GGA2: variants seen among roughly 807,000 people sequenced by gnomAD.
GGA2 encodes ADP-ribosylation factor-binding protein GGA2.
Under a neutral mutation model 79.5 loss-of-function variants are expected in GGA2, and 48 were observed. The observed-to-expected ratio is 0.60, with a 90% CI of 0.48 to 0.77. The LOEUF (loss-of-function observed/expected upper bound fraction) is 0.77. GGA2 is among the 30% of genes least tolerant of loss of function. The probability of loss-of-function intolerance (pLI) is 0.00; values close to 1 mark genes in which losing one functional copy is unlikely to be tolerated. For synonymous variants in GGA2, 317 were observed against 302.0 expected, an observed-to-expected ratio of 1.05 and a Z score of -0.51; for missense variants, 770 against 774.0, an observed-to-expected ratio of 0.99 and a Z score of 0.06.
chr16:23,480,845 A>G (rs1403513353), intron 9 of GGA2, 75 bp from the exon 10 acceptor site: 3 of 1,429,820 alleles, frequency 2.1e-6, no homozygotes, highest in Admixed American at 3.5e-5. Context: ...GCTTTTCCAT[A>G]AAACAGCCTT....
upstream of GGA2, among the ~76,000 whole-genome samples, chr16:23,511,069 A>G (rs559934641): frequency 6.9e-6 from 1 of 145,400 alleles, no homozygotes; most frequent in Non-Finnish European, 1.5e-5. Flanking sequence ...GGGTTTCACC[A>G]TGTTGCCCGG....
chr16:23,513,766 G>T (rs1470076406), upstream of GGA2, among the ~76,000 whole-genome samples: 2 of 140,056 alleles, frequency 1.4e-5, no homozygotes, highest in Non-Finnish European at 3.0e-5. Context: ...GCCTGGGCAC[G>T]GAATGAGACT....
At position 23,493,443 on chromosome 16, in the gene GGA2, T is replaced by G. The variant is rs140282248; in HGVS notation, c.268A>C (p.Met90Leu). The G allele has an allele frequency of 6.2e-7, 1 of 1,610,292 alleles. No individual in the cohort carries two copies. Among genetic ancestry groups the G allele is most frequent in the South Asian group, 1.1e-5 (1 of 90,992 alleles). The change falls in exon 4 of 17, where the codon ATG (methionine) becomes CTG (leucine). Residue 90 changes from methionine to leucine, a missense_variant. Physicochemically the swap from Met to Leu is conservative, Grantham distance 15 (BLOSUM62 2). Coordinates refer to ENST00000309859, the MANE Select transcript of GGA2 (RefSeq NM_015044.4). Reference protein sequence around the residue: ...LYALTVLEMCMNHCGEKFHSE... With the variant: ...LYALTVLEMCLNHCGEKFHSE... ...TGGAACTTCTCCCCACAGTGGTTCATGCACATCTCCAGCACCTGCACAGAC... is the reference window on the plus strand; with the variant it reads ...TGGAACTTCTCCCCACAGTGGTTCAGGCACATCTCCAGCACCTGCACAGAC...
At position 23,521,417 on chromosome 16, in the gene GGA2, A is replaced by G. The variant is rs185648889; in HGVS notation, c.8+376T>C. Among the ~76,000 whole-genome samples the G allele has an allele frequency of 1.5e-3, 228 of 148,862 alleles. 5 individuals are homozygous for G. The East Asian group carries it at 0.038, about 25-fold the overall frequency. ...TTATTTTATTCATTTTTTTTTTTTT[A>G]GACACAGGATCTTGCTCTGTTGCCC... On this transcript the variant is annotated intron_variant, in intron 1 of 5. Coordinates refer to the GGA2 transcript ENST00000569300.
At chr16:23,493,620 C>A (rs1467588847) in intron 3 of GGA2, 162 bp from the exon 4 acceptor site, 1 of 598,482 alleles carries the variant, frequency 1.7e-6, no homozygotes, top group South Asian at 2.0e-5. Flanking sequence ...GTTTTCAGAT[C>A]AAGAAAAAAA....
chr16:23,503,266 A>AT (rs1334011990), intron 1 of GGA2, among the ~76,000 whole-genome samples: 19 of 152,266 alleles, frequency 1.2e-4, no homozygotes, highest in Admixed American at 9.8e-4. Context: ...TCATGTATTG[A>AT]TTTTTTGTGT....
chr16:23,512,125 G>A (rs907038414), upstream of GGA2, among the ~76,000 whole-genome samples: 11 of 152,196 alleles, frequency 7.2e-5, no homozygotes, highest in East Asian at 3.8e-4. Context: ...TTTGAAAGGC[G>A]GAAGAAGAGA....
intron 10 of GGA2, 136 bp from the exon 11 acceptor site, chr16:23,480,023 T>A: frequency 1.3e-6 from 1 of 758,386 alleles, no homozygotes; most frequent in Non-Finnish European, 2.1e-6. Context: ...AACCTTCCAC[T>A]CAGCTGAGTG....
chr16:23,478,646 G>A (rs1046325379), intron 12 of GGA2, 145 bp from the exon 13 acceptor site: 2 of 834,158 alleles, frequency 2.4e-6, no homozygotes, highest in Non-Finnish European at 4.0e-6. Context: ...GGAAAGAAAG[G>A]GCAAGATCAC....
At chr16:23,510,953 G>A, upstream of GGA2, among the ~76,000 whole-genome samples, 1 of 130,242 alleles carries the variant, frequency 7.7e-6, no homozygotes. Flanking sequence ...GTGTGTTAGA[G>A]ACTGGGTTTC....
chr16:23,465,069 C>T lies in GGA2; in HGVS notation c.*2521G>A. On this transcript the variant is annotated 3_prime_UTR_variant, in exon 17 of 17. Coordinates refer to ENST00000309859, the MANE Select transcript of GGA2 (RefSeq NM_015044.4). ...CTGGCCATGAGTGCCAGATCTCCAG[C>T]ACACACATCATGAATTTGCTTCTCC... is the stretch of plus-strand genomic sequence containing the variant. The T allele has an allele frequency of 5.6e-6, 3 of 532,392 alleles. 1 individual carries two copies. The South Asian group carries it at 6.9e-5, about 12-fold the overall frequency. The allele number at this position is 532,392 out of a possible 1,614,324, so 33.0% of individuals were successfully genotyped here.
At chr16:23,486,863 G>T in intron 6 of GGA2, 73 bp from the exon 7 acceptor site, 2 of 879,746 alleles carry the variant, frequency 2.3e-6, no homozygotes, top group Non-Finnish European at 2.0e-6. Flanking sequence ...AGCAGCAACA[G>T]AAGAGTTAAC....
At chr16:23,508,641 A>G (rs1276495915) in intron 1 of GGA2, among the ~76,000 whole-genome samples, 4 of 152,034 alleles carry the variant, frequency 2.6e-5, no homozygotes, top group African/African-American at 9.7e-5. Flanking sequence ...TGCCTCTTCA[A>G]TGCTGGGGCT....
At chr16:23,469,311 G>A (rs1043140241) in intron 15 of GGA2, 13 of 276,622 alleles carry the variant, frequency 4.7e-5, no homozygotes, top group Non-Finnish European at 9.3e-5. Context: ...CTAGCTCTGT[G>A]ACCTTGAGTA....
intron 1 of GGA2, among the ~76,000 whole-genome samples, chr16:23,497,372 C>A (rs540937265): frequency 2.0e-4 from 31 of 152,154 alleles, no homozygotes; most frequent in African/African-American, 7.0e-4. Context: ...CCTCCCGCTG[C>A]GCCAACCCCA....
chr16:23,502,519 C>T (rs1421163602), intron 1 of GGA2, among the ~76,000 whole-genome samples: 1 of 152,222 alleles, frequency 6.6e-6, no homozygotes. Flanking sequence ...TGTATGGTCT[C>T]AGCAATTGTC....
chr16:23,484,250 A>G (rs1385894936), intron 8 of GGA2, among the ~76,000 whole-genome samples: 1 of 151,788 alleles, frequency 6.6e-6, no homozygotes, highest in Non-Finnish European at 1.5e-5. Flanking sequence ...TCTACTTAAA[A>G]AAAAAAAAAA....
Position 23,493,433 on chromosome 16 carries a change from C to T in GGA2, c.278G>A (p.Cys93Tyr). ...LTVLEMCMNH[C>Y]GEKFHSEVAK... ...CACCTCGCTGTGGAACTTCTCCCCA[C>T]AGTGGTTCATGCACATCTCCAGCAC... The change falls in exon 4 of 17, where the codon TGT (cysteine) becomes TAT (tyrosine). Residue 93 changes from cysteine (C) to tyrosine (Y), a missense_variant. Coordinates refer to ENST00000309859, the MANE Select transcript of GGA2 (RefSeq NM_015044.4). The T allele has an allele frequency of 6.2e-7, 1 of 1,612,166 alleles. No individual in the cohort carries two copies. Among genetic ancestry groups the T allele is most frequent in the Non-Finnish European group, 8.5e-7 (1 of 1,178,238 alleles).
At chr16:23,503,202 G>A (rs1964938879) in intron 1 of GGA2, among the ~76,000 whole-genome samples, 1 of 152,124 alleles carries the variant, frequency 6.6e-6, no homozygotes, top group African/African-American at 2.4e-5. Flanking sequence ...CTGTCGATTT[G>A]CGATTTCCTC....
Sources: allele counts gnomAD v4.1 joint callset (sites outside exome capture counted in the v4.1 genomes callset), GRCh38; gene constraint gnomAD v4.1.1; transcripts MANE v1.5; gene names NCBI Gene and HGNC (gene_info 2026-07-23, HGNC 2026-07-21).